RFX4: variants seen among roughly 807,000 people sequenced by gnomAD.
RFX4 encodes the protein regulatory factor X4, also known as transcription factor RFX4.
A neutral mutation model predicts 95.0 loss-of-function variants in RFX4; 10 were observed. The observed-to-expected ratio is 0.11, with a 90% CI of 0.06 to 0.18. The LOEUF is 0.18. Ranked by LOEUF, RFX4 falls within the 10% of genes least tolerant of loss-of-function variation. The pLI, the probability that RFX4 is intolerant of heterozygous loss-of-function variation, is 1.00. For synonymous variants in RFX4, 321 were observed against 340.7 expected, an observed-to-expected ratio of 0.94 and a Z score of 0.64; for missense variants, 640 against 922.0, an observed-to-expected ratio of 0.69 and a Z score of 3.96.
intron 2 of RFX4, among the ~76,000 whole-genome samples, chr12:106,635,381 G>C (rs1315125551): frequency 6.6e-6 from 1 of 152,150 alleles, no homozygotes; most frequent in East Asian, 1.9e-4. Flanking sequence ...GTAGTGGCGT[G>C]ATCTCTTTGC....
At chr12:106,734,643 C>A (rs1219701909) in intron 15 of RFX4, among the ~76,000 whole-genome samples, 2 of 151,474 alleles carry the variant, frequency 1.3e-5, no homozygotes, top group African/African-American at 4.9e-5. Flanking sequence ...AATTAAAAGT[C>A]ACCCAAGCAT....
In RFX4 at chr12:106,720,592, C is replaced by T. The variant is rs1415534777; in HGVS notation, c.1234-167C>T. On this transcript the variant is annotated intron_variant, in intron 12 of 17. Transcript: ENST00000392842. This position sits in a 1 kb window ranked among gnomAD's most constrained non-coding sequence, Gnocchi z 4.2. The stretch of plus-strand genomic sequence containing the variant: ...GAGATGGGGTTTCTGCCACGTTGCC[C>T]AGGCTGGTCTCAAACTCCTAGGCTC... Among the ~76,000 whole-genome samples the T allele has an allele frequency of 6.6e-6, 1 of 152,150 alleles. No individual in the cohort carries two copies. The highest frequency in any genetic ancestry group is 2.4e-5 in the African/African-American group (1 of 41,426).
intron 6 of RFX4, among the ~76,000 whole-genome samples, chr12:106,687,696 G>T (rs559253525): frequency 6.6e-6 from 1 of 152,286 alleles, no homozygotes; most frequent in East Asian, 1.9e-4. Context: ...GGAACTCCCA[G>T]TACTATCTTT....
At chr12:106,680,656 T>A (rs1034933204) in intron 4 of RFX4, 4 of 152,174 alleles carry the variant, frequency 2.6e-5, no homozygotes, top group Non-Finnish European at 4.4e-5. Flanking sequence ...AGGCTTACTC[T>A]CTCTGACCAT....
At chr12:106,616,311 CT>C (rs1397680281) in intron 2 of RFX4, among the ~76,000 whole-genome samples, 3 of 152,150 alleles carry the variant, frequency 2.0e-5, no homozygotes, top group African/African-American at 7.2e-5. Flanking sequence ...ATAAATCACA[CT>C]TGGTCAGAGT....
intron 4 of RFX4, among the ~76,000 whole-genome samples, chr12:106,673,400 G>A (rs142883076): frequency 3.1e-4 from 47 of 152,338 alleles, no homozygotes; most frequent in African/African-American, 1.1e-3. Context: ...GAAGTCCCAG[G>A]AGGCAAGCCT....
rs948897334 is a variant in RFX4, at chr12:106,583,205, T to G, written c.-116T>G. 1.1e-6 allele frequency: 1 copy of G among 893,706 alleles called. No homozygotes were observed. Among genetic ancestry groups the G allele is most frequent in the African/African-American group, 1.8e-5 (1 of 56,738 alleles). 55.4% of individuals were successfully genotyped at this position (893,706 alleles called of 1,614,324 possible). ...TCCTTGTGCCCCCTCACTTTCTGCG[T>G]CTCTCTCTCTCCCCTTCTCCCTCCC... is the stretch of plus-strand genomic sequence containing the variant. On this transcript the variant is annotated 5_prime_UTR_variant, in exon 1 of 18. Transcript: ENST00000392842.
intron 1 of RFX4, chr12:106,601,386 C>T (rs904163237): frequency 4.5e-6 from 7 of 1,548,392 alleles, no homozygotes; most frequent in African/African-American, 1.4e-5. Flanking sequence ...TGGGGTGGGC[C>T]TGGCACCCTC....
At chr12:106,748,977 C>T (rs981814737) in intron 16 of RFX4, among the ~76,000 whole-genome samples, 18 of 151,758 alleles carry the variant, frequency 1.2e-4, no homozygotes, top group Admixed American at 3.3e-4. Flanking sequence ...CCCAGCTACT[C>T]GTGAGGCTGC....
intron 3 of RFX4, among the ~76,000 whole-genome samples, chr12:106,649,814 G>GC (rs1180992035): frequency 1.3e-5 from 2 of 152,116 alleles, no homozygotes; most frequent in African/African-American, 4.8e-5. Flanking sequence ...GGAGAATGGA[G>GC]CCCCCCATTC....
At chr12:106,619,088 G>A (rs1266794972) in intron 2 of RFX4, among the ~76,000 whole-genome samples, 2 of 151,996 alleles carry the variant, frequency 1.3e-5, no homozygotes, top group Non-Finnish European at 2.9e-5. Flanking sequence ...GATACATCTT[G>A]TACAAGTGTT....
chr12:106,634,505 G>C (rs567860576), intron 2 of RFX4, among the ~76,000 whole-genome samples: 1 of 152,162 alleles, frequency 6.6e-6, no homozygotes, highest in Non-Finnish European at 1.5e-5. Flanking sequence ...TTTTGAGGTA[G>C]GGATTATTAT....
At chr12:106,667,702 T>C (rs2041204443) in intron 4 of RFX4, among the ~76,000 whole-genome samples, 1 of 152,206 alleles carries the variant, frequency 6.6e-6, no homozygotes, top group Non-Finnish European at 1.5e-5. Flanking sequence ...TCTCCAATCT[T>C]GAGGGCAGCA....
At chr12:106,583,462 A>C in intron 1 of RFX4, 99 bp downstream of exon 1, 1 of 1,177,702 alleles carries the variant, frequency 8.5e-7, no homozygotes, top group Middle Eastern at 2.0e-4. Context: ...AGACGGGTCA[A>C]CTTGACAGTG....
chr12:106,611,756 C>A (rs903665728), intron 2 of RFX4, among the ~76,000 whole-genome samples: 1 of 152,072 alleles, frequency 6.6e-6, no homozygotes, highest in Non-Finnish European at 1.5e-5. Context: ...CGTGATCTGC[C>A]CCCCTCAGCC....
chr12:106,745,450 C>T (rs1048819476), intron 15 of RFX4, among the ~76,000 whole-genome samples: 4 of 152,184 alleles, frequency 2.6e-5, no homozygotes, highest in Admixed American at 2.6e-4. Flanking sequence ...GTTCTTTTAA[C>T]AATAAGCCAA....
intron 17 of RFX4, among the ~76,000 whole-genome samples, chr12:106,760,821 T>A (rs2043196074): frequency 6.6e-6 from 1 of 151,692 alleles, no homozygotes; most frequent in Admixed American, 6.5e-5. Context: ...CATCTGTACA[T>A]CCATATTTAT....
At chr12:106,746,231 C>T (rs1421157102) in intron 15 of RFX4, among the ~76,000 whole-genome samples, 2 of 151,964 alleles carry the variant, frequency 1.3e-5, no homozygotes, top group African/African-American at 4.8e-5. Context: ...TGGTGTGCAC[C>T]TGTAATCCCA....
intron 17 of RFX4, among the ~76,000 whole-genome samples, chr12:106,751,200 T>C (rs1427709336): frequency 6.6e-6 from 1 of 151,678 alleles, no homozygotes; most frequent in Non-Finnish European, 1.5e-5. Context: ...GGTTTTTTGT[T>C]CTTGCGATAA....
Sources: allele counts gnomAD v4.1 joint callset (sites outside exome capture counted in the v4.1 genomes callset), GRCh38; gene constraint gnomAD v4.1.1; non-coding constraint Gnocchi (gnomAD v3.1); transcripts MANE v1.5; gene names NCBI Gene and HGNC (gene_info 2026-07-23, HGNC 2026-07-21).